The following ITGA11 variants were observed in gnomAD, a reference collection of about 807,000 sequenced individuals.
The protein encoded by ITGA11 is integrin subunit alpha 11.
Under a neutral mutation model 141.9 loss-of-function variants are expected in ITGA11, and 97 were observed. The observed-to-expected ratio is 0.68, with a 90% CI of 0.58 to 0.81. ITGA11 has a LOEUF of 0.81. ITGA11 is among the 30% of genes least tolerant of loss of function. ITGA11 has a pLI of 0.00. For synonymous variants in ITGA11, 658 were observed against 624.6 expected (o/e 1.05, Z -0.80); for missense variants, 1,387 against 1,559.2 (o/e 0.89, Z 1.86).
intron 10 of ITGA11, among the ~76,000 whole-genome samples, chr15:68,348,168 C>T (rs778338807): frequency 2.6e-5 from 4 of 152,192 alleles, no homozygotes; most frequent in South Asian, 2.1e-4. Flanking sequence ...AAGCACACAG[C>T]GGGGGAGTGA....
intron 6 of ITGA11, among the ~76,000 whole-genome samples, chr15:68,357,868 C>T (rs1895118658): frequency 6.6e-6 from 1 of 152,200 alleles, no homozygotes; most frequent in African/African-American, 2.4e-5. Flanking sequence ...CCATGATACC[C>T]TAAAAGATGA....
At position 68,371,450 on chromosome 15, in the gene ITGA11, T is replaced by G. The variant is rs551952330; in HGVS notation, c.165-2166A>C. ...ACGGCCAGCTGGGTGCAGTGGCTCA[T>G]GCCTGTAATCCCAGTACTTTGGGAG... On this transcript the variant is annotated intron_variant, in intron 2 of 29. Coordinates refer to ENST00000315757, the MANE Select transcript of ITGA11 (RefSeq NM_001004439.2). Among the ~76,000 whole-genome samples, 6 of 152,292 alleles carry G rather than the reference T, an allele frequency of 3.9e-5. No individual in the cohort carries two copies. In the South Asian group the frequency reaches 1.0e-3, roughly 26 times the overall value.
At chr15:68,345,241 T>C (rs568061512) in intron 10 of ITGA11, among the ~76,000 whole-genome samples, 2 of 152,318 alleles carry the variant, frequency 1.3e-5, no homozygotes, top group East Asian at 1.9e-4. Flanking sequence ...CTTAAAAATG[T>C]ATTCTAAAGT....
chr15:68,404,998 G>T (rs1363797990), intron 1 of ITGA11, among the ~76,000 whole-genome samples: 1 of 152,196 alleles, frequency 6.6e-6, no homozygotes, highest in African/African-American at 2.4e-5. Flanking sequence ...CAAGCCCGCT[G>T]GGTAGGGCCT....
rs1894496101 is a variant in ITGA11, at chr15:68,339,579, A to G, written c.1197T>C (p.Ser399=). Residue 399 remains serine, a synonymous_variant, in exon 11 of 30, where the codon AGT becomes AGC. Coordinates refer to ENST00000315757, the MANE Select transcript of ITGA11 (RefSeq NM_001004439.2). ...CGCGGAGAGGAATGACCTTCCCGGC[A>G]CTCGTCTCCTTTAGCACAGCTCCAT... ...DWNGAVLKET[S]AGKVIPLRES... is the part of the protein sequence containing the mutation. 1 of 1,613,720 alleles carries G rather than the reference A, an allele frequency of 6.2e-7. No homozygotes were observed. Among genetic ancestry groups the G allele is most frequent in the African/African-American group, 1.3e-5 (1 of 74,876 alleles).
In ITGA11 at chr15:68,361,704, C is replaced by A. The variant is rs778546780; in HGVS notation, c.358G>T (p.Ala120Ser). Residue 120 changes from alanine (A) to serine (S), a missense_variant and splice_region_variant, in exon 5 of 30, where the codon GCC becomes TCC. Physicochemically the swap from Ala to Ser is moderately conservative, Grantham distance 99. Coordinates refer to ENST00000315757, the MANE Select transcript of ITGA11 (RefSeq NM_001004439.2). ...ATNPKDNSFL[A>S]CSPLWSHECG... ...TCATGAGACCAGAGGGGGCTGCAGG[C>A]CTGGGGAGGGCAGTGCAGATCCCCA... The A allele has an allele frequency of 1.2e-5, 19 of 1,596,456 alleles. No individual in the cohort carries two copies. The Admixed American group carries it at 2.1e-4, about 17-fold the overall frequency.
chr15:68,400,469 G>A (rs1160710360), intron 2 of ITGA11, among the ~76,000 whole-genome samples: 2 of 142,530 alleles, frequency 1.4e-5, no homozygotes, highest in East Asian at 4.0e-4. Context: ...ACCATTTAGA[G>A]AATGAAAAGG....
At chr15:68,393,491 C>T (rs1472769674) in intron 2 of ITGA11, among the ~76,000 whole-genome samples, 1 of 152,066 alleles carries the variant, frequency 6.6e-6, no homozygotes, top group Non-Finnish European at 1.5e-5. Flanking sequence ...TGACATATTA[C>T]ATTCAAAAGA....
At chr15:68,374,278 A>G (rs1895671736) in intron 2 of ITGA11, among the ~76,000 whole-genome samples, 1 of 152,222 alleles carries the variant, frequency 6.6e-6, no homozygotes, top group African/African-American at 2.4e-5. Context: ...CCTTGTGGCA[A>G]CAGAAACCCT....
intron 6 of ITGA11, among the ~76,000 whole-genome samples, chr15:68,357,704 C>A (rs903754490): frequency 3.9e-5 from 6 of 152,120 alleles, no homozygotes; most frequent in South Asian, 2.1e-4. Flanking sequence ...GTTCTTTTAT[C>A]CCCATGGATG....
intron 13 of ITGA11, 132 bp from the exon 14 acceptor site, chr15:68,332,194 A>T: frequency 8.0e-7 from 1 of 1,249,832 alleles, no homozygotes; most frequent in Non-Finnish European, 1.1e-6. Flanking sequence ...GGCTATATGA[A>T]CCCAGCCACA....
chr15:68,329,814 G>A (rs933941914), intron 15 of ITGA11, among the ~76,000 whole-genome samples: 7 of 152,180 alleles, frequency 4.6e-5, no homozygotes, highest in Non-Finnish European at 7.3e-5. Flanking sequence ...CCTTCGAAGA[G>A]ACAGACCCTG....
intron 21 of ITGA11, 38 bp from the exon 22 acceptor site, chr15:68,315,765 A>G: frequency 2.0e-6 from 3 of 1,530,956 alleles, no homozygotes; most frequent in South Asian, 2.5e-5. Context: ...CATTGCTGGG[A>G]CCAGCCCCGC....
intron 3 of ITGA11, among the ~76,000 whole-genome samples, chr15:68,367,599 T>C (rs1475879203): frequency 6.6e-6 from 1 of 152,198 alleles, no homozygotes; most frequent in Admixed American, 6.5e-5. Flanking sequence ...CATTGATCCC[T>C]GCCTAAAACT....
At chr15:68,410,818 G>A (rs1896756549) in intron 1 of ITGA11, among the ~76,000 whole-genome samples, 1 of 152,210 alleles carries the variant, frequency 6.6e-6, no homozygotes, top group Non-Finnish European at 1.5e-5. Context: ...AGGGGACGTG[G>A]TCCCTACATC....
intron 8 of ITGA11, 74 bp from the exon 9 acceptor site, chr15:68,350,856 C>A: frequency 1.3e-6 from 2 of 1,482,262 alleles, no homozygotes; most frequent in East Asian, 2.3e-5. Context: ...ACGGCCTAGA[C>A]CCTGGGGACC....
At chr15:68,429,683 C>T (rs2140448112) in intron 1 of ITGA11, among the ~76,000 whole-genome samples, 1 of 152,332 alleles carries the variant, frequency 6.6e-6, no homozygotes, top group South Asian at 2.1e-4. Flanking sequence ...CAGTCCTGTC[C>T]TGGAGCCTGA....
intron 7 of ITGA11, 128 bp from the exon 8 acceptor site, chr15:68,351,530 G>A: frequency 1.0e-6 from 1 of 963,046 alleles, no homozygotes; most frequent in South Asian, 1.6e-5. Context: ...ACAGGTGCCA[G>A]GACCTCAAAC....
chr15:68,368,392 C>T (rs1389988760), intron 3 of ITGA11, among the ~76,000 whole-genome samples: 1 of 152,228 alleles, frequency 6.6e-6, no homozygotes. Flanking sequence ...ACCTTTAGGA[C>T]AAGTGGGAGC....
Sources: allele counts gnomAD v4.1 joint callset (sites outside exome capture counted in the v4.1 genomes callset), GRCh38; gene constraint gnomAD v4.1.1; transcripts MANE v1.5; gene names NCBI Gene and HGNC (gene_info 2026-07-23, HGNC 2026-07-21).